Variants in RAB8A observed in about 807,000 individuals in gnomAD.
RAB8A encodes the protein ras-related protein Rab-8A.
RAB8A carries 5 observed loss-of-function variants against 29.2 expected under a neutral mutation model. That is an observed-to-expected ratio of 0.17 (90% CI 0.09 to 0.36). RAB8A has a LOEUF of 0.36. RAB8A is among the 10% of genes least tolerant of loss of function. The probability of loss-of-function intolerance (pLI) is 1.00; values close to 1 mark genes in which losing one functional copy is unlikely to be tolerated. For missense variants in RAB8A, 171 were observed against 272.2 expected (o/e 0.63, Z 2.62); for synonymous variants, 108 against 99.9 (o/e 1.08, Z -0.49).
intron 2 of RAB8A, among the ~76,000 whole-genome samples, chr19:16,119,641 G>A (rs756213842): frequency 6.6e-6 from 1 of 152,194 alleles, no homozygotes; most frequent in Non-Finnish European, 1.5e-5. Flanking sequence ...CTTCCAGCAC[G>A]TTGGTGCCAT....
rs923344659 is a variant in RAB8A, at chr19:16,122,568, C to G, written c.246+758C>G. Among the ~76,000 whole-genome samples the G allele has an allele frequency of 6.6e-6, 1 of 152,178 alleles. No individual in the cohort carries two copies. Among genetic ancestry groups the G allele is most frequent in the African/African-American group, 2.4e-5 (1 of 41,442 alleles). On this transcript the variant is annotated intron_variant, in intron 3 of 7. Coordinates refer to ENST00000300935, the MANE Select transcript of RAB8A (RefSeq NM_005370.5). This position sits in a 1 kb window ranked among gnomAD's most constrained non-coding sequence, Gnocchi z 4.7. Reference sequence around the variant, plus strand: ...CCCATTCCCAGGTCCCTCTGCTCCCCACTCTTTCCTCCGCATACCCCATCA... The same window carrying G: ...CCCATTCCCAGGTCCCTCTGCTCCCGACTCTTTCCTCCGCATACCCCATCA...
rs1034927166 is a variant in RAB8A, at chr19:16,127,382, G to A, written c.325-55G>A. On this transcript the variant is annotated intron_variant, in intron 4 of 7. Transcript: ENST00000300935. The surrounding 1 kb of genome is among the most constrained non-coding windows in gnomAD (Gnocchi z 4.8). ...TGGGGACAGACTGTGTGTTGGCAGA[G>A]GCACCTGGCCTGTGTCATCCGGTCT... The A allele has an allele frequency of 6.7e-6, 8 of 1,193,976 alleles. No individual in the cohort carries two copies. Among genetic ancestry groups the A allele is most frequent in the Non-Finnish European group, 9.0e-6 (8 of 892,680 alleles). The allele number at this position is 1,193,976 out of a possible 1,614,324, so 74.0% of individuals were successfully genotyped here. A position where few individuals can be genotyped will look rare whatever the true frequency, so the allele number is the denominator to read the frequency against.
intron 2 of RAB8A, among the ~76,000 whole-genome samples, chr19:16,121,482 G>C (rs1404140521): frequency 6.6e-6 from 1 of 152,160 alleles, no homozygotes; most frequent in Non-Finnish European, 1.5e-5. Flanking sequence ...ACTCCAGGGA[G>C]AATTCCCTGG....
At position 16,132,292 on chromosome 19, in the gene RAB8A, T is replaced by C; in HGVS notation, c.612T>C (p.Cys204=). The change falls in exon 8 of 8, where the codon TGT becomes TGC. Residue 204 remains cysteine, a synonymous_variant. Coordinates refer to ENST00000300935, the MANE Select transcript of RAB8A (RefSeq NM_005370.5). The surrounding 1 kb of genome is among the most constrained non-coding windows in gnomAD (Gnocchi z 5.6). ...AGAAGAGGAGCAGCTTTTTCCGATG[T>C]GTTCTTCTGTGAGGAACACCGCCTT... ...DQQKRSSFFR[C]VLL is the part of the protein sequence containing the mutation. The C allele has an allele frequency of 1.2e-6, 2 of 1,614,012 alleles. No homozygotes were observed. The highest frequency in any genetic ancestry group is 1.7e-6 in the Non-Finnish European group (2 of 1,180,002).
intron 1 of RAB8A, among the ~76,000 whole-genome samples, chr19:16,115,837 G>A (rs1032654683): frequency 3.3e-5 from 5 of 152,264 alleles, no homozygotes; most frequent in South Asian, 4.1e-4. Flanking sequence ...TTGAGAGGGC[G>A]AAAGTCCAGT....
rs2090877693 is a variant in RAB8A, at chr19:16,122,024, G to T, written c.246+214G>T. On this transcript the variant is annotated intron_variant, in intron 3 of 7. Coordinates refer to ENST00000300935, the MANE Select transcript of RAB8A (RefSeq NM_005370.5). The surrounding 1 kb of genome is among the most constrained non-coding windows in gnomAD (Gnocchi z 4.7). ...CTTCTGGCTGCAGAGACAATGCAAGGTTTAAATAAAGTGGAAACATAATTC... is the reference window on the plus strand; with the variant it reads ...CTTCTGGCTGCAGAGACAATGCAAGTTTTAAATAAAGTGGAAACATAATTC... 6 of 488,962 alleles carry T rather than the reference G, an allele frequency of 1.2e-5. No individual in the cohort carries two copies. In the East Asian group the frequency reaches 1.8e-4, roughly 15 times the overall value. 30.3% of individuals were successfully genotyped at this position (488,962 alleles called of 1,614,324 possible).
intron 1 of RAB8A, among the ~76,000 whole-genome samples, chr19:16,114,716 C>G (rs55854037): frequency 0.3 from 45,369 of 151,620 alleles, 7,021 homozygotes; most frequent in South Asian, 0.35. Flanking sequence ...TTACTTTGAG[C>G]TTTAAAGAGG....
At chr19:16,117,382 G>A (rs140411271) in intron 1 of RAB8A, among the ~76,000 whole-genome samples, 5,285 of 152,060 alleles carry the variant, frequency 0.035, 147 homozygotes, top group Non-Finnish European at 0.054. Flanking sequence ...CCAGCTACTC[G>A]GGAGGCTGAG....
chr19:16,128,081 A>G lies in RAB8A; in HGVS notation c.470A>G (p.Asn157Ser), dbSNP rs764886982. 5.0e-6 allele frequency: 8 copies of G among 1,613,996 alleles called. No homozygotes were observed. The highest frequency in any genetic ancestry group is 5.9e-6 in the Non-Finnish European group (7 of 1,179,916). ...FMETSAKANI[N>S]VENAFFTLAR... ...GAGACCAGCGCGAAGGCCAACATCA[A>G]TGTGGAAAATGTGAGTCCCGGGCCC... Residue 157 changes from asparagine to serine, a missense_variant, in exon 6 of 8, where the codon AAT becomes AGT. Around this residue, in one of 3 missense-constraint regions of RAB8A, gnomAD observed 145 missense variants for 212.8 expected, o/e 0.68. Coordinates refer to ENST00000300935, the MANE Select transcript of RAB8A (RefSeq NM_005370.5).
At position 16,125,877 on chromosome 19, in the gene RAB8A, C is replaced by A; in HGVS notation, c.324+330C>A. ...GCTTTCTAGAGAAGGAAGGGTCTAG[C>A]ACAGGTGTGACCCTTGTAGTTGGAG... On this transcript the variant is annotated intron_variant, in intron 4 of 7. Transcript: ENST00000300935. The surrounding 1 kb of genome is among the most constrained non-coding windows in gnomAD (Gnocchi z 5.0). 1 of 443,456 alleles carries A rather than the reference C, an allele frequency of 2.3e-6. No homozygotes were observed. The highest frequency in any genetic ancestry group is 4.3e-6 in the Non-Finnish European group (1 of 235,292). 27.5% of individuals were successfully genotyped at this position (443,456 alleles called of 1,614,324 possible). A position where few individuals can be genotyped will look rare whatever the true frequency, so the allele number is the denominator to read the frequency against.
chr19:16,131,940 G>A (rs929814813), intron 7 of RAB8A, among the ~76,000 whole-genome samples: 30 of 151,748 alleles, frequency 2.0e-4, no homozygotes, highest in Non-Finnish European at 3.4e-4. Flanking sequence ...GCAGATGATG[G>A]ATGGATGGTT....
intron 6 of RAB8A, 57 bp from the exon 7 acceptor site, chr19:16,129,497 C>T (rs999818247): frequency 1.7e-5 from 27 of 1,553,912 alleles, no homozygotes; most frequent in South Asian, 7.8e-5. Context: ...TGTACACGGG[C>T]GGCTGAGGAC....
Position 16,125,095 on chromosome 19 carries a change from A to G in RAB8A, c.247-375A>G. On this transcript the variant is annotated intron_variant, in intron 3 of 7. Transcript: ENST00000300935. The surrounding 1 kb of genome is among the most constrained non-coding windows in gnomAD (Gnocchi z 5.0). ...CCGATTGCAGGGGAGGGTCAGCGTGAGGGGAGTGCTGCTGGCAGTGGGCCT... is the reference window on the plus strand; with the variant it reads ...CCGATTGCAGGGGAGGGTCAGCGTGGGGGGAGTGCTGCTGGCAGTGGGCCT... 1 of 347,922 alleles carries G rather than the reference A, an allele frequency of 2.9e-6. No individual in the cohort carries two copies. The allele number at this position is 347,922 out of a possible 1,614,324, so 21.6% of individuals were successfully genotyped here.
In RAB8A at chr19:16,125,010, C is replaced by CAA; in HGVS notation, c.247-459_247-458insAA. The CAA allele has an allele frequency of 5.2e-6, 1 of 190,684 alleles. No individual in the cohort carries two copies. Among genetic ancestry groups the CAA allele is most frequent in the Non-Finnish European group, 1.1e-5 (1 of 90,054 alleles). The allele number at this position is 190,684 out of a possible 1,614,324, so 11.8% of individuals were successfully genotyped here. On this transcript the variant is annotated intron_variant, in intron 3 of 7. Transcript: ENST00000300935. This position sits in a 1 kb window ranked among gnomAD's most constrained non-coding sequence, Gnocchi z 5.0. ...ATGTCGGGTCAGGACTTCCTGGGCT[C>CAA]AGTTGTGCCTGGTAGGTGGCTCAGG...
chr19:16,121,770 G>A lies in RAB8A; in HGVS notation c.206G>A (p.Arg69Gln), dbSNP rs778028924. ...TTTAGGGACACAGCCGGTCAGGAACGGTTTCGGACGATCACAACGGCCTAC... is the reference window on the plus strand; with the variant it reads ...TTTAGGGACACAGCCGGTCAGGAACAGTTTCGGACGATCACAACGGCCTAC... ...LQIWDTAGQE[R>Q]FRTITTAYYR... Residue 69 changes from arginine to glutamine, a missense_variant, in exon 3 of 8, where the codon CGG (arginine) becomes CAG (glutamine). Physicochemically the swap from Arg to Gln is conservative, Grantham distance 43 (BLOSUM62 1). This residue lies in a region of RAB8A where 145 missense variants were observed against 212.8 expected (regional missense o/e 0.68). Transcript: ENST00000300935. The A allele has an allele frequency of 3.7e-6, 6 of 1,613,918 alleles. No individual in the cohort carries two copies. The highest frequency in any genetic ancestry group is 4.5e-5 in the East Asian group (2 of 44,896).
chr19:16,126,210 A>T (rs2090900519), intron 4 of RAB8A: 1 of 167,896 alleles, frequency 6.0e-6, no homozygotes. Context: ...CTGTCCACCC[A>T]GGACTCATGG....
chr19:16,112,768 C>T (rs1296328308), intron 1 of RAB8A: 1 of 152,262 alleles, frequency 6.6e-6, no homozygotes, highest in Non-Finnish European at 1.5e-5. Context: ...GAGGTTGAGC[C>T]CCTCTCCCTG....
intron 7 of RAB8A, among the ~76,000 whole-genome samples, chr19:16,131,333 G>A (rs1215554537): frequency 2.0e-5 from 3 of 152,260 alleles, no homozygotes; most frequent in Non-Finnish European, 4.4e-5. Flanking sequence ...AGTTGTAAGA[G>A]AATTGGATGG....
chr19:16,115,802 G>T (rs73517737), intron 1 of RAB8A, among the ~76,000 whole-genome samples: 3,422 of 152,284 alleles, frequency 0.022, 150 homozygotes, highest in African/African-American at 0.079. Flanking sequence ...AGACTTGTCA[G>T]TTCCCTGCCC....
Sources: allele counts gnomAD v4.1 joint callset (sites outside exome capture counted in the v4.1 genomes callset), GRCh38; gene constraint gnomAD v4.1.1; regional missense constraint gnomAD v4.1.1; non-coding constraint Gnocchi (gnomAD v3.1); transcripts MANE v1.5; gene names NCBI Gene and HGNC (gene_info 2026-07-23, HGNC 2026-07-21).